PPARGC1A: variants seen among roughly 807,000 people sequenced by gnomAD.
The protein encoded by PPARGC1A is peroxisome proliferator-activated receptor gamma coactivator 1-alpha.
A neutral mutation model predicts 88.7 loss-of-function variants in PPARGC1A; 25 were observed. That is an observed-to-expected ratio of 0.28 (90% CI 0.21 to 0.39). PPARGC1A has a LOEUF of 0.39. Among genes scored for constraint, PPARGC1A ranks in the 10% least tolerant of loss-of-function variants. The probability of loss-of-function intolerance (pLI) is 1.00; values close to 1 mark genes in which losing one functional copy is unlikely to be tolerated. For missense variants in PPARGC1A, 880 were observed against 968.7 expected, an observed-to-expected ratio of 0.91 and a Z score of 1.22; for synonymous variants, 363 against 355.6, an observed-to-expected ratio of 1.02 and a Z score of -0.24.
At chr4:24,389,327 A>G in the PPARGC1A span, among the ~76,000 whole-genome samples, 1 of 152,106 alleles carries the variant, frequency 6.6e-6, no homozygotes, top group East Asian at 1.9e-4. Context: ...TCATATAACA[A>G]TAATTTATTT....
chr4:23,900,300 T>C (rs1719178905), upstream of PPARGC1A, among the ~76,000 whole-genome samples: 1 of 152,224 alleles, frequency 6.6e-6, no homozygotes, highest in African/African-American at 2.4e-5. Flanking sequence ...TTGAACGGTG[T>C]CATTGACTTG....
chr4:24,201,552 G>C, the PPARGC1A span, among the ~76,000 whole-genome samples: 3 of 152,136 alleles, frequency 2.0e-5, no homozygotes, highest in African/African-American at 2.4e-5. Context: ...CTCAATATTC[G>C]TAGAATAGAG....
chr4:23,957,992 G>T, the PPARGC1A span, among the ~76,000 whole-genome samples: 12 of 152,024 alleles, frequency 7.9e-5, 1 homozygote, highest in Admixed American at 7.9e-4. Flanking sequence ...CTACTCAGTT[G>T]CTAGGAGTCC....
the PPARGC1A span, among the ~76,000 whole-genome samples, chr4:24,364,019 A>G: frequency 6.6e-6 from 1 of 152,078 alleles, no homozygotes; most frequent in Non-Finnish European, 1.5e-5. Flanking sequence ...GCGATTAAAA[A>G]CCTGACTAGG....
the PPARGC1A span, among the ~76,000 whole-genome samples, chr4:23,955,562 TGAACGTTCAG>T: frequency 6.6e-6 from 1 of 152,046 alleles, no homozygotes; most frequent in Non-Finnish European, 1.5e-5. Context: ...TAGCTTACAG[TGAACGTTCAG>T]GAAAGCAACA....
the PPARGC1A span, among the ~76,000 whole-genome samples, chr4:24,314,944 A>C: frequency 2.0e-5 from 3 of 151,938 alleles, no homozygotes; most frequent in Admixed American, 1.3e-4. Context: ...GTTAATTAAT[A>C]ACTCTTATGG....
At chr4:24,435,969 T>C in the PPARGC1A span, among the ~76,000 whole-genome samples, 1 of 152,228 alleles carries the variant, frequency 6.6e-6, no homozygotes, top group Non-Finnish European at 1.5e-5. Context: ...GCCCCTGATG[T>C]GTACCACTCT....
At chr4:24,420,756 C>T in the PPARGC1A span, among the ~76,000 whole-genome samples, 4 of 152,110 alleles carry the variant, frequency 2.6e-5, no homozygotes, top group Non-Finnish European at 4.4e-5. Context: ...GCTGTTGAAC[C>T]GGGGTAGCGT....
chr4:23,992,873 GCA>G, the PPARGC1A span, among the ~76,000 whole-genome samples: 1 of 152,104 alleles, frequency 6.6e-6, no homozygotes, highest in African/African-American at 2.4e-5. Flanking sequence ...GCCAATGAAA[GCA>G]CAGTCTCTAT....
At chr4:24,104,699 G>A in the PPARGC1A span, among the ~76,000 whole-genome samples, 1 of 152,140 alleles carries the variant, frequency 6.6e-6, no homozygotes, top group Non-Finnish European at 1.5e-5. Context: ...AAGCAGGAAT[G>A]GGGCTGTTTG....
chr4:23,980,282 T>C, the PPARGC1A span, among the ~76,000 whole-genome samples: 33 of 151,784 alleles, frequency 2.2e-4, no homozygotes, highest in African/African-American at 5.3e-4. Flanking sequence ...TGCTCAAACA[T>C]CTTCAGTAGC....
At chr4:24,389,762 G>T in the PPARGC1A span, among the ~76,000 whole-genome samples, 1 of 152,122 alleles carries the variant, frequency 6.6e-6, no homozygotes, top group Non-Finnish European at 1.5e-5. Flanking sequence ...CTACAACTCT[G>T]TGAGACAGAG....
the PPARGC1A span, among the ~76,000 whole-genome samples, chr4:23,967,019 A>G: frequency 6.6e-6 from 1 of 152,214 alleles, no homozygotes; most frequent in Non-Finnish European, 1.5e-5. Context: ...TTGACAGCAT[A>G]TGCAAAACTC....
At chr4:24,078,884 A>C in the PPARGC1A span, among the ~76,000 whole-genome samples, 1 of 152,070 alleles carries the variant, frequency 6.6e-6, no homozygotes, top group Non-Finnish European at 1.5e-5. Flanking sequence ...TACCATATTT[A>C]ACTCAAAATA....
the PPARGC1A span, among the ~76,000 whole-genome samples, chr4:24,170,107 T>A: frequency 2.6e-5 from 4 of 152,116 alleles, no homozygotes; most frequent in Admixed American, 1.3e-4. Flanking sequence ...CTTCTAGAGA[T>A]AAAAGGAAGG....
chr4:23,828,690 T>A (rs1577420121), intron 4 of PPARGC1A, 86 bp from the exon 5 acceptor site: 3 of 1,221,270 alleles, frequency 2.5e-6, no homozygotes, highest in Non-Finnish European at 3.6e-6. Flanking sequence ...GATGGGATTT[T>A]TCAATGAAGT....
chr4:24,432,756 T>C, the PPARGC1A span, among the ~76,000 whole-genome samples: 1 of 152,184 alleles, frequency 6.6e-6, no homozygotes, highest in Non-Finnish European at 1.5e-5. Context: ...ATCTTTCTAG[T>C]CTCACTGGCT....
At chr4:24,149,196 T>C in the PPARGC1A span, among the ~76,000 whole-genome samples, 1 of 152,350 alleles carries the variant, frequency 6.6e-6, no homozygotes, top group East Asian at 1.9e-4. Context: ...GAATTTTCTA[T>C]ATGAGTACAG....
chr4:24,133,146 A>T, the PPARGC1A span, among the ~76,000 whole-genome samples: 1 of 152,066 alleles, frequency 6.6e-6, no homozygotes, highest in African/African-American at 2.4e-5. Context: ...TTGAGGCCCT[A>T]GCACCCTTTA....
Sources: allele counts gnomAD v4.1 joint callset (sites outside exome capture counted in the v4.1 genomes callset), GRCh38; gene constraint gnomAD v4.1.1; transcripts MANE v1.5; gene names NCBI Gene and HGNC (gene_info 2026-07-23, HGNC 2026-07-21).